Variants in PIEZO2 observed in about 807,000 individuals in gnomAD.
The protein encoded by PIEZO2 is piezo-type mechanosensitive ion channel component 2.
Under a neutral mutation model 337.3 loss-of-function variants are expected in PIEZO2, and 172 were observed. That is an observed-to-expected ratio of 0.51 (90% CI 0.45 to 0.58). PIEZO2 has a LOEUF of 0.58. Among genes scored for constraint, PIEZO2 ranks in the 20% least tolerant of loss-of-function variants. The pLI is 0.00. For synonymous variants in PIEZO2, 1,251 were observed against 1,228.5 expected (o/e 1.02, Z -0.38); for missense variants, 3,028 against 3,391.3 (o/e 0.89, Z 2.66).
At position 10,773,450 on chromosome 18, in the gene PIEZO2, T is replaced by C. The variant is rs2038674870; in HGVS notation, c.2747A>G (p.Glu916Gly). 6.5e-7 allele frequency: 1 copy of C among 1,537,296 alleles called. No homozygotes were observed. The highest frequency in any genetic ancestry group is 1.4e-5 in the African/African-American group (1 of 73,050). The change falls in exon 20 of 56, where the codon GAG becomes GGG. Residue 916 changes from glutamate (E) to glycine (G), a missense_variant. Transcript: ENST00000674853. This position sits in a 1 kb window ranked among gnomAD's most constrained non-coding sequence, Gnocchi z 5.3. ...CTCCTCCTCGGATTCCTCCTCTTCC[T>C]CTCCGTCCTCCTCTGACTCCTCGCT... is the stretch of plus-strand genomic sequence containing the variant. ...KDSEESEEDG[E>G]EEEESEEEEE...
rs960702540 is a variant in PIEZO2, at chr18:11,126,950, C to T, written c.64+21575G>A. ...TGAACATTTAAGGCAATGCACTGAACTGTTGTGTGCTTACTACAGGCCAGG... is the reference window on the plus strand; with the variant it reads ...TGAACATTTAAGGCAATGCACTGAATTGTTGTGTGCTTACTACAGGCCAGG... On this transcript the variant is annotated intron_variant, in intron 1 of 55. Coordinates refer to ENST00000674853, the MANE Select transcript of PIEZO2 (RefSeq NM_001378183.1). The surrounding 1 kb of genome is among the most constrained non-coding windows in gnomAD (Gnocchi z 4.6). Among the ~76,000 whole-genome samples the T allele has an allele frequency of 1.3e-5, 2 of 152,160 alleles. No homozygotes were observed. The highest frequency in any genetic ancestry group is 4.8e-5 in the African/African-American group (2 of 41,424).
At position 10,807,106 on chromosome 18, in the gene PIEZO2, C is replaced by G. The variant is rs1391383325; in HGVS notation, c.1080+6G>C. The G allele has an allele frequency of 6.5e-7, 1 of 1,530,296 alleles. No individual in the cohort carries two copies. Among genetic ancestry groups the G allele is most frequent in the African/African-American group, 1.4e-5 (1 of 72,818 alleles). The allele number at this position is 1,530,296 out of a possible 1,614,324, so 94.8% of individuals were successfully genotyped here. On this transcript the variant is annotated splice_donor_region_variant and intron_variant, in intron 8 of 55. Transcript: ENST00000674853. ...GACAAGATCATGAAAATGTTTTTGT[C>G]CTTACAAGGGGCTCTTGCAGCCAGA...
intron 1 of PIEZO2, among the ~76,000 whole-genome samples, chr18:11,082,914 G>A (rs947618518): frequency 6.6e-6 from 1 of 152,128 alleles, no homozygotes. Flanking sequence ...ACCACAATTT[G>A]ATTCTATCAT....
chr18:10,896,329 T>G (rs264167), intron 4 of PIEZO2, among the ~76,000 whole-genome samples: 93,673 of 151,884 alleles, frequency 0.62, 29,019 homozygotes, highest in East Asian at 0.78. Flanking sequence ...GCCTGACCAT[T>G]GGGTTTCAGA....
intron 2 of PIEZO2, among the ~76,000 whole-genome samples, chr18:11,014,870 A>G (rs1405060890): frequency 1.7e-5 from 2 of 120,050 alleles, no homozygotes; most frequent in South Asian, 5.8e-4. Flanking sequence ...ACAGCGATCC[A>G]AGGCCCCCTC....
At chr18:10,791,135 T>G in intron 14 of PIEZO2, 66 bp downstream of exon 14, 1 of 1,419,862 alleles carries the variant, frequency 7.0e-7, no homozygotes, top group Non-Finnish European at 9.3e-7. Flanking sequence ...TGATGTATTT[T>G]GGGGCTCTTT....
intron 36 of PIEZO2, among the ~76,000 whole-genome samples, chr18:10,730,384 T>C (rs2036715713): frequency 6.6e-6 from 1 of 152,240 alleles, no homozygotes; most frequent in African/African-American, 2.4e-5. Flanking sequence ...ATTTTTGTTT[T>C]CTGGTCTGTG....
intron 1 of PIEZO2, among the ~76,000 whole-genome samples, chr18:11,134,074 A>T (rs1316781106): frequency 1.3e-5 from 2 of 152,154 alleles, no homozygotes; most frequent in Non-Finnish European, 2.9e-5. Flanking sequence ...CAGAGGAATG[A>T]TATCTGACTT....
In PIEZO2 at chr18:11,104,866, G is replaced by A. The variant is rs2039516568; in HGVS notation, c.65-38644C>T. Among the ~76,000 whole-genome samples the A allele has an allele frequency of 6.6e-6, 1 of 152,122 alleles. No homozygotes were observed. Among genetic ancestry groups the A allele is most frequent in the Admixed American group, 6.5e-5 (1 of 15,278 alleles). ...GAGTGGTTGAACCACTCCAGTCCTA[G>A]GTGTGACTGGATGTGACTGGGTCTG... is the stretch of plus-strand genomic sequence containing the variant. On this transcript the variant is annotated intron_variant, in intron 1 of 55. Coordinates refer to ENST00000674853, the MANE Select transcript of PIEZO2 (RefSeq NM_001378183.1). The surrounding 1 kb of genome is among the most constrained non-coding windows in gnomAD (Gnocchi z 4.6).
chr18:10,728,293 G>GA (rs2144037902), intron 36 of PIEZO2: 1 of 152,614 alleles, frequency 6.6e-6, no homozygotes, highest in Non-Finnish European at 1.5e-5. Flanking sequence ...AAACCTTTCC[G>GA]AAAAATATCT....
At chr18:10,688,114 C>T (rs12456433) in intron 49 of PIEZO2, among the ~76,000 whole-genome samples, 44,032 of 151,756 alleles carry the variant, frequency 0.29, 6,900 homozygotes, top group Non-Finnish European at 0.36. Context: ...GGTTTTAAGC[C>T]CCCCATGCGT....
At chr18:10,740,834 G>A in intron 33 of PIEZO2, 197 bp downstream of exon 33, 2 of 704,138 alleles carry the variant, frequency 2.8e-6, no homozygotes, top group Middle Eastern at 4.9e-4. Flanking sequence ...CAGAACGTCT[G>A]TGCTGATGTC....
intron 41 of PIEZO2, 53 bp downstream of exon 41, chr18:10,705,283 T>A: frequency 6.9e-7 from 1 of 1,457,286 alleles, no homozygotes. Flanking sequence ...TAGGGCATTA[T>A]GTTTAAGTGG....
chr18:10,932,944 A>T (rs543525707), intron 3 of PIEZO2, among the ~76,000 whole-genome samples: 20 of 152,170 alleles, frequency 1.3e-4, no homozygotes, highest in South Asian at 2.1e-4. Flanking sequence ...AAAAAAAAAA[A>T]ATATGAAAAG....
chr18:10,858,777 G>A (rs2041796046), intron 5 of PIEZO2, among the ~76,000 whole-genome samples: 1 of 152,102 alleles, frequency 6.6e-6, no homozygotes, highest in Non-Finnish European at 1.5e-5. Flanking sequence ...CTATTGATGA[G>A]CCAAGGCTAC....
At position 10,853,536 on chromosome 18, in the gene PIEZO2, C is replaced by T. The variant is rs1313106179; in HGVS notation, c.917+1817G>A. ...CTGTCAGTAACATACTTTGGTGCTG[C>T]GAGACTCAGATGTGTTTCACTGCTA... is the stretch of plus-strand genomic sequence containing the variant. On this transcript the variant is annotated intron_variant, in intron 7 of 55. Transcript: ENST00000674853. The surrounding 1 kb of genome is among the most constrained non-coding windows in gnomAD (Gnocchi z 4.2). Among the ~76,000 whole-genome samples, 1 of 152,120 alleles carries T rather than the reference C, an allele frequency of 6.6e-6. No homozygotes were observed. The highest frequency in any genetic ancestry group is 1.9e-4 in the East Asian group (1 of 5,188).
At position 11,138,252 on chromosome 18, in the gene PIEZO2, C is replaced by A. The variant is rs570478085; in HGVS notation, c.64+10273G>T. Among the ~76,000 whole-genome samples the A allele has an allele frequency of 2.0e-5, 3 of 152,250 alleles. No homozygotes were observed. In the South Asian group the frequency reaches 6.2e-4, roughly 32 times the overall value. ...AGGTTATGTTCACAATTTGAAAAAC[C>A]TACAATCCAAAAGATATAGTGTTTT... On this transcript the variant is annotated intron_variant, in intron 1 of 55. Coordinates refer to ENST00000674853, the MANE Select transcript of PIEZO2 (RefSeq NM_001378183.1).
chr18:11,108,344 G>C (rs576006322), intron 1 of PIEZO2, among the ~76,000 whole-genome samples: 1 of 152,094 alleles, frequency 6.6e-6, no homozygotes. Flanking sequence ...GGCCAGGCAC[G>C]GTGGCTTACA....
In PIEZO2 at chr18:10,966,768, C is replaced by G. The variant is rs192546410; in HGVS notation, c.286+12767G>C. On this transcript the variant is annotated intron_variant, in intron 3 of 55. Transcript: ENST00000674853. ...AATGTGTTGTCTTTTATCCCTCACC[C>G]ACCTCCTGCCCTTTCCCCCGAGTCC... 1.2e-3 allele frequency among the ~76,000 whole-genome samples: 181 copies of G among 152,184 alleles called. 2 individuals are homozygous for G. The highest frequency in any genetic ancestry group is 2.1e-3 in the Non-Finnish European group (146 of 68,006).
Sources: allele counts gnomAD v4.1 joint callset (sites outside exome capture counted in the v4.1 genomes callset), GRCh38; gene constraint gnomAD v4.1.1; non-coding constraint Gnocchi (gnomAD v3.1); transcripts MANE v1.5; gene names NCBI Gene and HGNC (gene_info 2026-07-23, HGNC 2026-07-21).